HELLS: variants seen among roughly 807,000 people sequenced by gnomAD.
HELLS encodes lymphoid-specific helicase.
Under a neutral mutation model 120.0 loss-of-function variants are expected in HELLS, and 32 were observed. The ratio of observed to expected loss-of-function variants is 0.27; its 90% CI spans 0.20 to 0.36. HELLS has a LOEUF of 0.36. Among genes scored for constraint, HELLS ranks in the 10% least tolerant of loss-of-function variants. HELLS has a pLI of 1.00. For missense variants in HELLS, 650 were observed against 993.4 expected, an observed-to-expected ratio of 0.65 and a Z score of 4.65; for synonymous variants, 341 against 323.4, an observed-to-expected ratio of 1.05 and a Z score of -0.58.
At chr10:94,607,638 C>A (rs1305408857) in intron 8 of HELLS, among the ~76,000 whole-genome samples, 1 of 152,108 alleles carries the variant, frequency 6.6e-6, no homozygotes, top group Non-Finnish European at 1.5e-5. Context: ...TTGAACATTT[C>A]CAAGCAAACG....
intron 12 of HELLS, among the ~76,000 whole-genome samples, chr10:94,585,437 G>C (rs117351943): frequency 0.024 from 2,809 of 119,018 alleles, 32 homozygotes; most frequent in Non-Finnish European, 0.035. Flanking sequence ...GTCTCACTCT[G>C]TTGCCCAGGC....
rs60398827 is a variant in HELLS, at chr10:94,580,186, T to A, written c.1033-1140T>A. Among the ~76,000 whole-genome samples, 355 of 38,100 alleles carry A rather than the reference T, an allele frequency of 9.3e-3. 9 individuals are homozygous for A. The highest frequency in any genetic ancestry group is 0.028 in the African/African-American group (326 of 11,598). The allele number at this position is 38,100 out of a possible 152,430, so 25.0% of individuals were successfully genotyped here. A position where few individuals can be genotyped will look rare whatever the true frequency, so the allele number is the denominator to read the frequency against. ...ATACACACACACACACACACACACA[T>A]TTTTTTTTTTTTTTTTTTGAGACAG... On this transcript the variant is annotated intron_variant, in intron 10 of 21. Transcript: ENST00000348459.
intron 10 of HELLS, chr10:94,577,170 A>T: frequency 2.6e-6 from 1 of 384,852 alleles, no homozygotes; most frequent in Non-Finnish European, 4.9e-6. Context: ...TTATTTTTAG[A>T]GTATCTTATT....
intron 6 of HELLS, among the ~76,000 whole-genome samples, chr10:94,563,626 A>G (rs1242488372): frequency 1.3e-5 from 2 of 152,022 alleles, no homozygotes; most frequent in Non-Finnish European, 2.9e-5. Flanking sequence ...AGCTGGGACT[A>G]CAGGTGTGTG....
exon 10 of HELLS, chr10:94,611,400 C>T (rs982016820): frequency 6.6e-6 from 1 of 152,002 alleles, no homozygotes; most frequent in African/African-American, 2.4e-5. Context: ...AAGAGACCAC[C>T]ACCACTACTA....
chr10:94,582,281 A>G (rs1209860866), intron 11 of HELLS, among the ~76,000 whole-genome samples: 1 of 152,138 alleles, frequency 6.6e-6, no homozygotes, highest in African/African-American at 2.4e-5. Flanking sequence ...CTTTTATTGA[A>G]AGACAAGAAT....
intron 7 of HELLS, among the ~76,000 whole-genome samples, chr10:94,573,096 A>G (rs559646977): frequency 1.3e-5 from 2 of 152,018 alleles, no homozygotes; most frequent in South Asian, 2.1e-4. Flanking sequence ...AGTAGCTGGG[A>G]CAACAGGCTC....
chr10:94,603,568 A>G (rs1196889168), downstream of HELLS, among the ~76,000 whole-genome samples: 1 of 152,138 alleles, frequency 6.6e-6, no homozygotes, highest in Non-Finnish European at 1.5e-5. Context: ...GGTGACTCAA[A>G]TTTATATCTC....
Position 94,562,712 on chromosome 10 carries a change from A to G in HELLS, c.355A>G (p.Ser119Gly). The G allele has an allele frequency of 6.3e-7, 1 of 1,589,764 alleles. No homozygotes were observed. Among genetic ancestry groups the G allele is most frequent in the Non-Finnish European group, 8.6e-7 (1 of 1,163,632 alleles). The stretch of plus-strand genomic sequence containing the variant: ...GTAGGGTAAAAATTCAATTGATGCA[A>G]GTGAAGAGAAGCCAGGTAAATATCC... Reference protein sequence around the residue: ...VKKGKNSIDASEEKPVMRKKR... With the variant: ...VKKGKNSIDAGEEKPVMRKKR... Residue 119 changes from serine (S) to glycine (G), a missense_variant, in exon 5 of 22, where the codon AGT (serine) becomes GGT (glycine). Physicochemically the swap from Ser to Gly is moderately conservative, Grantham distance 56. Transcript: ENST00000348459.
rs371420011 is a variant in HELLS, at chr10:94,589,835, C to T, written c.1489-578C>T. ...CCGAGTAGCTGGGACTACAGTCGCCCGCCACCACGCTTGGCTAATTTTTTC... is the reference window on the plus strand; with the variant it reads ...CCGAGTAGCTGGGACTACAGTCGCCTGCCACCACGCTTGGCTAATTTTTTC... On this transcript the variant is annotated intron_variant, in intron 13 of 21. Transcript: ENST00000348459. Among the ~76,000 whole-genome samples, 9 of 151,814 alleles carry T rather than the reference C, an allele frequency of 5.9e-5. 1 individual carries two copies. The East Asian group carries it at 1.7e-3, about 30-fold the overall frequency.
Position 94,581,331 on chromosome 10 carries a change from C to T in HELLS, c.1038C>T (p.Cys346=), listed in dbSNP as rs766774136. The T allele has an allele frequency of 6.5e-7, 1 of 1,528,474 alleles. No individual in the cohort carries two copies. Among genetic ancestry groups the T allele is most frequent in the East Asian group, 2.3e-5 (1 of 43,192 alleles). The allele number at this position is 1,528,474 out of a possible 1,614,324, so 94.7% of individuals were successfully genotyped here. The change falls in exon 11 of 22, where the codon TGC becomes TGT. Residue 346 remains cysteine (C), a synonymous_variant. Coordinates refer to ENST00000348459, the MANE Select transcript of HELLS (RefSeq NM_018063.5). The stretch of plus-strand genomic sequence containing the variant: ...TTCCTCAATTCGTTTTCTAGCATTG[C>T]TATTGGAAATACTTAATAGTAGATG... ...AMRDRNALQH[C]YWKYLIVDEG...
intron 3 of HELLS, 72 bp from the exon 4 acceptor site, chr10:94,558,067 G>T: frequency 2.0e-6 from 3 of 1,506,160 alleles, no homozygotes; most frequent in South Asian, 2.7e-5. Flanking sequence ...TAAGTTATTT[G>T]AGAATTGATA....
exon 10 of HELLS, chr10:94,613,563 A>T (rs948576112): frequency 2.0e-5 from 3 of 152,184 alleles, no homozygotes; most frequent in Non-Finnish European, 4.4e-5. Flanking sequence ...GACTTTTCTC[A>T]TAAGTTTTGA....
intron 3 of HELLS, among the ~76,000 whole-genome samples, chr10:94,554,650 T>TTTG (rs1564576969): frequency 2.8e-5 from 4 of 141,108 alleles, no homozygotes; most frequent in Non-Finnish European, 6.3e-5. Flanking sequence ...TAGTGTTTTT[T>TTTG]TTTTTGTTTT....
intron 10 of HELLS, among the ~76,000 whole-genome samples, chr10:94,579,698 C>G (rs1844721450): frequency 6.6e-6 from 1 of 151,974 alleles, no homozygotes; most frequent in African/African-American, 2.4e-5. Context: ...TCCGTCATCA[C>G]ACCTGACTGA....
intron 13 of HELLS, among the ~76,000 whole-genome samples, chr10:94,589,577 C>T (rs1845357320): frequency 6.6e-6 from 1 of 151,930 alleles, no homozygotes; most frequent in Non-Finnish European, 1.5e-5. Flanking sequence ...GTTTAACTTT[C>T]CAGGTTTTTT....
chr10:94,589,958 T>C (rs940677861), intron 13 of HELLS, among the ~76,000 whole-genome samples: 9 of 152,050 alleles, frequency 5.9e-5, no homozygotes, highest in African/African-American at 1.9e-4. Context: ...AAGTGCTGGG[T>C]TTACAGGCGT....
In HELLS at chr10:94,585,016, C is replaced by T. The variant is rs181026473; in HGVS notation, c.1326+1957C>T. On this transcript the variant is annotated intron_variant, in intron 12 of 21. Transcript: ENST00000348459. ...AGATTAGGTGGAGATAGTTTTAAAT[C>T]GCTAGTATATTTTCTTAACTATTTT... Among the ~76,000 whole-genome samples the T allele has an allele frequency of 1.5e-3, 234 of 152,080 alleles. 1 individual carries two copies. Among genetic ancestry groups the T allele is most frequent in the Non-Finnish European group, 2.7e-3 (185 of 67,944 alleles).
intron 10 of HELLS, among the ~76,000 whole-genome samples, chr10:94,580,188 T>C (rs1339391122): frequency 3.7e-5 from 2 of 53,612 alleles, no homozygotes; most frequent in South Asian, 1.1e-3. Context: ...CACACACATT[T>C]TTTTTTTTTT....
Sources: gnomAD v4.1 joint callset for allele counts (sites outside exome capture counted in the v4.1 genomes callset) on GRCh38, gnomAD v4.1.1 for gene constraint, MANE v1.5 for transcripts, NCBI Gene and HGNC (gene_info 2026-07-23, HGNC 2026-07-21) for gene names.